The following EFHD1 variants were observed in gnomAD, a reference collection of about 807,000 sequenced individuals.
The protein encoded by EFHD1 is EF-hand domain-containing protein D1.
A neutral mutation model predicts 17.2 loss-of-function variants in EFHD1; 10 were observed. The ratio of observed to expected loss-of-function variants is 0.58; its 90% CI spans 0.36 to 0.99. The LOEUF is 0.99. EFHD1 is among the 50% of genes least tolerant of loss of function. The pLI is 0.01. For synonymous variants in EFHD1, 153 were observed against 142.0 expected (o/e 1.08, Z -0.55); for missense variants, 310 against 327.5 (o/e 0.95, Z 0.41).
chr2:232,607,709 G>T (rs1047805847), intron 1 of EFHD1, among the ~76,000 whole-genome samples: 3 of 151,778 alleles, frequency 2.0e-5, no homozygotes, highest in Admixed American at 1.3e-4. Flanking sequence ...AGCTGTGATT[G>T]GGCCACTGCA....
chr2:232,669,085 G>A (rs1338535197), intron 2 of EFHD1, among the ~76,000 whole-genome samples: 1 of 152,202 alleles, frequency 6.6e-6, no homozygotes, highest in Non-Finnish European at 1.5e-5. Context: ...CGACCAGTAT[G>A]TCAGTCCCTC....
intron 1 of EFHD1, among the ~76,000 whole-genome samples, chr2:232,646,436 CTTTTTTTTTTTTTTT>C (rs71398729): frequency 1.5e-5 from 1 of 67,138 alleles, no homozygotes; most frequent in African/African-American, 6.3e-5. Context: ...CTCTTCTCTT[CTTTTTTTTTTTTTTT>C]TTTTTTTTTT....
Position 232,682,454 on chromosome 2 carries a change from G to A in EFHD1, c.*735G>A, listed in dbSNP as rs1433437134. On this transcript the variant is annotated 3_prime_UTR_variant, in exon 4 of 4. Transcript: ENST00000264059. Reference sequence around the variant, plus strand: ...CACTGTAAGAACGAAAGAATAGTTAGGATACCAATGAGTAAAAGGGTTCCT... The same window carrying A: ...CACTGTAAGAACGAAAGAATAGTTAAGATACCAATGAGTAAAAGGGTTCCT... 1 of 152,238 alleles carries A rather than the reference G, an allele frequency of 6.6e-6. No homozygotes were observed. The highest frequency in any genetic ancestry group is 1.5e-5 in the Non-Finnish European group (1 of 68,068). The allele number at this position is 152,238 out of a possible 1,614,324, so 9.4% of individuals were successfully genotyped here.
intron 1 of EFHD1, chr2:232,610,585 T>G (rs1484720300): frequency 4.0e-5 from 6 of 151,764 alleles, no homozygotes; most frequent in Admixed American, 4.0e-4. Flanking sequence ...CCCGAAAAAA[T>G]ATACTGGGCT....
chr2:232,639,521 T>A (rs1694385119), intron 1 of EFHD1, among the ~76,000 whole-genome samples: 1 of 152,184 alleles, frequency 6.6e-6, no homozygotes, highest in African/African-American at 2.4e-5. Context: ...TAAATGTTGT[T>A]GTATACCAAC....
chr2:232,641,336 A>G (rs79025277), intron 1 of EFHD1, among the ~76,000 whole-genome samples: 2,043 of 152,222 alleles, frequency 0.013, 47 homozygotes, highest in East Asian at 0.082. Context: ...CCTGGCCACA[A>G]TCGGAGTTAC....
intron 3 of EFHD1, among the ~76,000 whole-genome samples, chr2:232,679,711 C>T (rs1204877330): frequency 1.5e-4 from 18 of 121,618 alleles, no homozygotes; most frequent in African/African-American, 4.4e-4. Flanking sequence ...TGGAGCAAGA[C>T]GTTTCTAAAA....
chr2:232,636,942 C>A (rs1410296673), intron 1 of EFHD1, among the ~76,000 whole-genome samples: 1 of 152,180 alleles, frequency 6.6e-6, no homozygotes, highest in East Asian at 1.9e-4. Flanking sequence ...GGAGTGGTGA[C>A]CTGGCCTCTT....
At position 232,681,671 on chromosome 2, in the gene EFHD1, G is replaced by C; in HGVS notation, c.672G>C (p.Arg224=). The C allele has an allele frequency of 2.5e-6, 4 of 1,614,244 alleles. No homozygotes were observed. The highest frequency in any genetic ancestry group is 3.4e-6 in the Non-Finnish European group (4 of 1,180,034). ...GGAAGCGGGAGGAGGAGGAGAGGCG[G>C]CTCCGCCAGGCAGCCTTCCAGAAAC... ...DERKREEEER[R]LRQAAFQKLK... Residue 224 remains arginine, a synonymous_variant, in exon 4 of 4, where the codon CGG becomes CGC. Coordinates refer to ENST00000264059, the MANE Select transcript of EFHD1 (RefSeq NM_025202.4).
upstream of EFHD1, chr2:232,633,373 G>C (rs1694239709): frequency 2.2e-6 from 2 of 917,452 alleles, no homozygotes; most frequent in African/African-American, 3.5e-5. Flanking sequence ...TGATCCGAGG[G>C]TCCCTGCCTG....
rs35239145 is a variant in EFHD1, at chr2:232,615,312, A to AGTGTGTGTGTGTGTGT, written c.14+9164_14+9179dup. On this transcript the variant is annotated intron_variant, in intron 1 of 3. Coordinates refer to the EFHD1 transcript ENST00000409613. ...CCTGCATTGTTCAAGTGTCAACTAT[A>AGTGTGTGTGTGTGTGT]GTGTGTGTGTGTGTGTGTGTGTGTG... 2.1e-4 allele frequency among the ~76,000 whole-genome samples: 29 copies of AGTGTGTGTGTGTGTGT among 136,578 alleles called. 1 individual carries two copies. Among genetic ancestry groups the AGTGTGTGTGTGTGTGT allele is most frequent in the South Asian group, 1.7e-3 (7 of 4,004 alleles). The allele number at this position is 136,578 out of a possible 152,430, so 89.6% of individuals were successfully genotyped here.
chr2:232,623,590 C>T (rs1463101259), intron 1 of EFHD1, among the ~76,000 whole-genome samples: 1 of 143,364 alleles, frequency 7.0e-6, no homozygotes, highest in Non-Finnish European at 1.5e-5. Flanking sequence ...AGGAGAATCG[C>T]TTGAACCCGA....
At chr2:232,607,935 T>TTTTAA (rs925709784) in intron 1 of EFHD1, among the ~76,000 whole-genome samples, 2 of 151,248 alleles carry the variant, frequency 1.3e-5, no homozygotes, top group Non-Finnish European at 2.9e-5. Context: ...CTCTATTTTT[T>TTTTAA]TTAATTAATT....
At chr2:232,646,168 G>C (rs1037567084) in intron 1 of EFHD1, among the ~76,000 whole-genome samples, 1 of 152,146 alleles carries the variant, frequency 6.6e-6, no homozygotes, top group African/African-American at 2.4e-5. Context: ...AAGTTATTTT[G>C]GGTTGGGGTG....
At chr2:232,671,921 G>A (rs1695075841) in intron 2 of EFHD1, among the ~76,000 whole-genome samples, 1 of 150,336 alleles carries the variant, frequency 6.7e-6, no homozygotes, top group African/African-American at 2.4e-5. Context: ...GCCGCGCATG[G>A]TGGCACACAC....
At chr2:232,606,068 G>A in exon 1 of EFHD1, 1 of 1,433,348 alleles carries the variant, frequency 7.0e-7, no homozygotes, top group Non-Finnish European at 9.6e-7. Context: ...CTAAGTGCAG[G>A]CGGATACCCC....
intron 1 of EFHD1, among the ~76,000 whole-genome samples, chr2:232,613,775 C>A (rs1205660023): frequency 1.3e-5 from 2 of 151,036 alleles, no homozygotes; most frequent in Non-Finnish European, 3.0e-5. Context: ...CATACACACA[C>A]AAATATACAC....
intron 1 of EFHD1, among the ~76,000 whole-genome samples, chr2:232,613,150 G>A (rs890750367): frequency 3.9e-5 from 6 of 152,032 alleles, no homozygotes; most frequent in South Asian, 2.1e-4. Context: ...CAGGCCAGGC[G>A]TGGTGGCTCA....
intron 3 of EFHD1, 48 bp from the exon 4 acceptor site, chr2:232,681,537 C>T (rs375409528): frequency 4.3e-5 from 69 of 1,594,258 alleles, no homozygotes; most frequent in Admixed American, 6.9e-5. Flanking sequence ...CTCCAGGGTC[C>T]TCTGCCCTCC....
Sources: gnomAD v4.1 joint callset for allele counts (sites outside exome capture counted in the v4.1 genomes callset) on GRCh38, gnomAD v4.1.1 for gene constraint, MANE v1.5 for transcripts, NCBI Gene and HGNC (gene_info 2026-07-23, HGNC 2026-07-21) for gene names.